Variants in RBFOX1 observed in about 807,000 individuals in gnomAD.
RBFOX1 encodes RNA binding protein fox-1 homolog 1.
RBFOX1 carries 8 observed loss-of-function variants against 57.7 expected under a neutral mutation model. The ratio of observed to expected loss-of-function variants is 0.14; its 90% CI spans 0.08 to 0.25. RBFOX1 has a LOEUF of 0.25. Among genes scored for constraint, RBFOX1 ranks in the 10% least tolerant of loss-of-function variants. The pLI, the probability that RBFOX1 is intolerant of heterozygous loss-of-function variation, is 1.00. For synonymous variants in RBFOX1, 326 were observed against 222.4 expected (o/e 1.47, Z -4.15); for missense variants, 611 against 548.5 (o/e 1.11, Z -1.14).
intron 4 of RBFOX1, among the ~76,000 whole-genome samples, chr16:7,365,556 T>C (rs939489525): frequency 3.9e-5 from 6 of 152,244 alleles, no homozygotes; most frequent in Admixed American, 3.3e-4. Context: ...TGTAGAGTGA[T>C]GCTGCTGACA....
intron 3 of RBFOX1, among the ~76,000 whole-genome samples, chr16:6,816,571 C>T (rs957259138): frequency 1.8e-4 from 28 of 151,796 alleles, no homozygotes; most frequent in Non-Finnish European, 2.6e-4. Flanking sequence ...GAAACCCCGT[C>T]TCTACTAAAA....
rs1453375086 is a variant in RBFOX1 at position 6,148,068 on chromosome 16, C to T, written c.-127+128076C>T. ...TGTAGACTGGGCACGGTGGCTCAAGCCTGTAATCCCAGCACTTCGGGAGGC... is the reference window on the plus strand; with the variant it reads ...TGTAGACTGGGCACGGTGGCTCAAGTCTGTAATCCCAGCACTTCGGGAGGC... On this transcript the variant is annotated intron_variant, in intron 1 of 15. Transcript: ENST00000550418. 2.0e-5 allele frequency among the ~76,000 whole-genome samples: 3 copies of T among 152,296 alleles called. No homozygotes were observed. In the East Asian group the frequency reaches 5.8e-4, roughly 29 times the overall value.
chr16:5,409,866 G>T (rs1025973159), intron 1 of RBFOX1, among the ~76,000 whole-genome samples: 23 of 151,812 alleles, frequency 1.5e-4, no homozygotes, highest in Non-Finnish European at 2.9e-4. Context: ...TGGCCAACAT[G>T]GTGAAACCCC....
intron 1 of RBFOX1, among the ~76,000 whole-genome samples, chr16:6,074,283 T>C (rs1200069954): frequency 6.6e-6 from 1 of 152,144 alleles, no homozygotes; most frequent in Non-Finnish European, 1.5e-5. Context: ...CTCTGTTTCT[T>C]GCACAGCTGT....
chr16:5,257,071 C>T lies in RBFOX1; in HGVS notation c.219+16966C>T, dbSNP rs534078679. On this transcript the variant is annotated intron_variant, in intron 1 of 2. Transcript: ENST00000585867. The stretch of plus-strand genomic sequence containing the variant: ...GTGGAAACCAGACCAGGACTCCAGA[C>T]TCTGGTCTCCCTGTTTACAGGGTCT... 1.6e-3 allele frequency among the ~76,000 whole-genome samples: 240 copies of T among 152,284 alleles called. 1 individual carries two copies. The highest frequency in any genetic ancestry group is 4.6e-3 in the South Asian group (22 of 4,816).
chr16:5,858,576 A>G (rs890012213), intron 3 of RBFOX1, among the ~76,000 whole-genome samples: 29 of 152,228 alleles, frequency 1.9e-4, no homozygotes, highest in African/African-American at 7.0e-4. Flanking sequence ...GTTGCCGAGC[A>G]CCATAAGTAA....
intron 13 of RBFOX1, among the ~76,000 whole-genome samples, chr16:7,670,081 G>C (rs2146000978): frequency 6.6e-6 from 1 of 152,156 alleles, no homozygotes; most frequent in Middle Eastern, 3.4e-3. Flanking sequence ...ACCCAGGGTG[G>C]AGTGCAGTGG....
intron 4 of RBFOX1, among the ~76,000 whole-genome samples, chr16:7,088,075 A>G (rs957463660): frequency 1.1e-4 from 16 of 152,216 alleles, no homozygotes; most frequent in Admixed American, 1.0e-3. Flanking sequence ...GACCTGGTTC[A>G]TTAGCATTAA....
chr16:6,502,286 C>A (rs1388354590), intron 2 of RBFOX1, among the ~76,000 whole-genome samples: 3 of 152,068 alleles, frequency 2.0e-5, no homozygotes, highest in Non-Finnish European at 2.9e-5. Context: ...ACATCAGAAC[C>A]CCTGATCTAC....
At chr16:6,408,147 A>G (rs1039905541) in intron 2 of RBFOX1, among the ~76,000 whole-genome samples, 1 of 152,144 alleles carries the variant, frequency 6.6e-6, no homozygotes, top group African/African-American at 2.4e-5. Context: ...TGCCTCCAGA[A>G]CTGTGAGACA....
In RBFOX1 at chr16:7,039,256, T is replaced by A. The variant is rs926837593; in HGVS notation, c.-15-12801T>A. Among the ~76,000 whole-genome samples, 4 of 152,314 alleles carry A rather than the reference T, an allele frequency of 2.6e-5. 1 individual carries two copies. The highest frequency in any genetic ancestry group is 4.2e-4 in the South Asian group (2 of 4,818). On this transcript the variant is annotated intron_variant, in intron 3 of 15. Coordinates refer to ENST00000550418, the MANE Select transcript of RBFOX1 (RefSeq NM_018723.4). ...ACGTATAACAACAAATCCATTATTA[T>A]TTTTTCTACTTAGTACTTAGCCTTG...
chr16:5,776,035 G>T (rs2054136537), intron 3 of RBFOX1, among the ~76,000 whole-genome samples: 2 of 148,312 alleles, frequency 1.3e-5, no homozygotes, highest in Non-Finnish European at 3.0e-5. Flanking sequence ...AGAGCCCAAT[G>T]AATCTTAATA....
intron 1 of RBFOX1, chr16:5,365,720 G>C: frequency 4.9e-6 from 2 of 407,702 alleles, no homozygotes; most frequent in South Asian, 1.9e-5. Context: ...ATTCCGTCCT[G>C]CATGGCTGTT....
chr16:6,121,213 G>A (rs529022733), intron 1 of RBFOX1, among the ~76,000 whole-genome samples: 2 of 152,266 alleles, frequency 1.3e-5, no homozygotes, highest in Admixed American at 1.3e-4. Flanking sequence ...GTGTGTACAA[G>A]ACACGCCTGA....
intron 2 of RBFOX1, among the ~76,000 whole-genome samples, chr16:6,465,274 G>A (rs1383860352): frequency 6.6e-6 from 1 of 152,094 alleles, no homozygotes; most frequent in East Asian, 1.9e-4. Flanking sequence ...TGTTGTTATT[G>A]TTGTTAATTA....
rs1037097179 is a variant in RBFOX1 at position 6,727,414 on chromosome 16, G to C, written c.-16+72764G>C. Among the ~76,000 whole-genome samples, 5 of 151,788 alleles carry C rather than the reference G, an allele frequency of 3.3e-5. 1 individual carries two copies. Among genetic ancestry groups the C allele is most frequent in the East Asian group, 1.9e-4 (1 of 5,166 alleles). ...TAGTCTTCATTTTACAATTGTTCCT[G>C]GTTTTTTTTTCTTTTTTTCCTTCAT... On this transcript the variant is annotated intron_variant, in intron 3 of 15. Transcript: ENST00000550418.
At chr16:7,396,307 C>T (rs987569701) in intron 4 of RBFOX1, among the ~76,000 whole-genome samples, 9 of 152,202 alleles carry the variant, frequency 5.9e-5, no homozygotes, top group African/African-American at 2.2e-4. Context: ...AAACTGTGGC[C>T]CCTGAGCAAC....
chr16:6,957,939 C>T (rs2082210332), intron 3 of RBFOX1, among the ~76,000 whole-genome samples: 1 of 152,144 alleles, frequency 6.6e-6, no homozygotes, highest in Admixed American at 6.5e-5. Flanking sequence ...CCCGAGAAGT[C>T]ACACAGCATC....
chr16:7,463,329 C>A (rs891135950), intron 4 of RBFOX1, among the ~76,000 whole-genome samples: 1 of 152,122 alleles, frequency 6.6e-6, no homozygotes, highest in Non-Finnish European at 1.5e-5. Flanking sequence ...CATGGTGTAA[C>A]CACATTTCTA....
Sources: gnomAD v4.1 joint callset for allele counts (sites outside exome capture counted in the v4.1 genomes callset) on GRCh38, gnomAD v4.1.1 for gene constraint, MANE v1.5 for transcripts, NCBI Gene and HGNC (gene_info 2026-07-23, HGNC 2026-07-21) for gene names.